The following FAM81A variants were observed in gnomAD, a reference collection of about 807,000 sequenced individuals.
FAM81A encodes the protein protein FAM81A.
A neutral mutation model predicts 46.7 loss-of-function variants in FAM81A; 19 were observed. That is an observed-to-expected ratio of 0.41 (90% CI 0.28 to 0.60). FAM81A has a LOEUF of 0.60. Ranked by LOEUF, FAM81A falls within the 20% of genes least tolerant of loss-of-function variation. FAM81A has a pLI of 0.34. For missense variants in FAM81A, 377 were observed against 453.5 expected, an observed-to-expected ratio of 0.83 and a Z score of 1.53; for synonymous variants, 183 against 152.9, an observed-to-expected ratio of 1.20 and a Z score of -1.45.
intron 2 of FAM81A, among the ~76,000 whole-genome samples, chr15:59,422,715 A>T (rs1366408498): frequency 2.6e-5 from 4 of 152,266 alleles, no homozygotes; most frequent in Non-Finnish European, 5.9e-5. Flanking sequence ...TGACCTCATG[A>T]TCTGTCTGTC....
intron 4 of FAM81A, among the ~76,000 whole-genome samples, chr15:59,503,310 A>T (rs1479859316): frequency 1.3e-5 from 2 of 151,896 alleles, no homozygotes; most frequent in Non-Finnish European, 2.9e-5. Flanking sequence ...TAATGTTAAC[A>T]GTCTGTTGTC....
At chr15:59,519,217 C>T (rs1180598456) in intron 8 of FAM81A, among the ~76,000 whole-genome samples, 4 of 151,310 alleles carry the variant, frequency 2.6e-5, no homozygotes, top group Non-Finnish European at 5.9e-5. Flanking sequence ...TAGACAGAGT[C>T]TTGCTCTGTC....
At chr15:59,507,378 A>C in intron 5 of FAM81A, 36 bp downstream of exon 5, 1 of 1,601,768 alleles carries the variant, frequency 6.2e-7, no homozygotes, top group Non-Finnish European at 8.5e-7. Flanking sequence ...AGAAGCGGGT[A>C]ATTTGTTCTT....
At position 59,482,818 on chromosome 15, in the gene FAM81A, G is replaced by A. The variant is rs2081870455; in HGVS notation, c.295-9453G>A. On this transcript the variant is annotated intron_variant, in intron 3 of 8. Coordinates refer to ENST00000288228, the MANE Select transcript of FAM81A (RefSeq NM_152450.3). ...GTGTTACTTCCTATTAAGAGAGAGTGCACCGGAGCTTGCCAGCGCCTTCTC... is the reference window on the plus strand; with the variant it reads ...GTGTTACTTCCTATTAAGAGAGAGTACACCGGAGCTTGCCAGCGCCTTCTC... Among the ~76,000 whole-genome samples, 3 of 152,190 alleles carry A rather than the reference G, an allele frequency of 2.0e-5. No homozygotes were observed. In the South Asian group the frequency reaches 6.2e-4, roughly 31 times the overall value.
chr15:59,404,890 C>G (rs2081087453), intron 2 of FAM81A, among the ~76,000 whole-genome samples: 1 of 152,226 alleles, frequency 6.6e-6, no homozygotes, highest in Non-Finnish European at 1.5e-5. Flanking sequence ...GCTAGTAGGT[C>G]TGGGCCCTAA....
At chr15:59,491,229 C>T (rs186813100) in intron 3 of FAM81A, among the ~76,000 whole-genome samples, 12 of 152,130 alleles carry the variant, frequency 7.9e-5, no homozygotes, top group South Asian at 2.1e-4. Flanking sequence ...TGTATTCAGC[C>T]GTAAGAAAGA....
intron 4 of FAM81A, among the ~76,000 whole-genome samples, chr15:59,503,781 C>T (rs1299793369): frequency 2.0e-5 from 3 of 152,112 alleles, no homozygotes; most frequent in South Asian, 2.1e-4. Flanking sequence ...CCATGTTGGC[C>T]GGGCTGGTCT....
At chr15:59,400,356 T>C (rs1317110580) in intron 1 of FAM81A, among the ~76,000 whole-genome samples, 1 of 152,080 alleles carries the variant, frequency 6.6e-6, no homozygotes, top group Non-Finnish European at 1.5e-5. Context: ...TTCTGCTTAC[T>C]CCTCTCCACG....
chr15:59,498,742 C>A (rs1317185304), intron 4 of FAM81A, among the ~76,000 whole-genome samples: 1 of 152,170 alleles, frequency 6.6e-6, no homozygotes, highest in African/African-American at 2.4e-5. Flanking sequence ...CCCCCTCCGC[C>A]CCTCCAGGTT....
chr15:59,416,409 A>G (rs1241200608), intron 2 of FAM81A, among the ~76,000 whole-genome samples: 3 of 152,194 alleles, frequency 2.0e-5, no homozygotes, highest in African/African-American at 7.2e-5. Context: ...TGAGAAAGTC[A>G]GCTGCCTCAG....
chr15:59,417,630 G>A (rs149042284), intron 2 of FAM81A, among the ~76,000 whole-genome samples: 4,642 of 151,964 alleles, frequency 0.031, 197 homozygotes, highest in East Asian at 0.2. Flanking sequence ...CAGGAGAATT[G>A]CATGAACCTG....
chr15:59,425,740 C>T (rs527977561), intron 2 of FAM81A, among the ~76,000 whole-genome samples: 65 of 152,338 alleles, frequency 4.3e-4, no homozygotes, highest in Non-Finnish European at 8.5e-4. Flanking sequence ...AGCCTCCTGC[C>T]TCAGCCTCCT....
At chr15:59,406,145 GC>G (rs2081094004) in intron 2 of FAM81A, among the ~76,000 whole-genome samples, 1 of 152,180 alleles carries the variant, frequency 6.6e-6, no homozygotes, top group African/African-American at 2.4e-5. Flanking sequence ...TAGAGCATGT[GC>G]CTTCCAGATC....
chr15:59,441,183 T>G (rs944705952), intron 1 of FAM81A, among the ~76,000 whole-genome samples: 1 of 152,242 alleles, frequency 6.6e-6, no homozygotes, highest in African/African-American at 2.4e-5. Context: ...TTTTGGGAAC[T>G]GGCTGCATTT....
chr15:59,430,682 G>C (rs563213663), intron 2 of FAM81A, among the ~76,000 whole-genome samples: 2 of 152,310 alleles, frequency 1.3e-5, no homozygotes, highest in South Asian at 4.1e-4. Flanking sequence ...TTTAGAAGAA[G>C]AGAGACCTTG....
At chr15:59,465,747 C>A (rs2081604747) in intron 3 of FAM81A, among the ~76,000 whole-genome samples, 1 of 151,960 alleles carries the variant, frequency 6.6e-6, no homozygotes, top group African/African-American at 2.4e-5. Context: ...GCACAACGTG[C>A]AGGTTTGATA....
intron 3 of FAM81A, among the ~76,000 whole-genome samples, chr15:59,486,232 T>C (rs2081915541): frequency 6.6e-6 from 1 of 151,964 alleles, no homozygotes; most frequent in South Asian, 2.1e-4. Context: ...GCAGAAATTC[T>C]GGAGTGGAAA....
At chr15:59,405,354 A>G (rs1272368185) in intron 2 of FAM81A, among the ~76,000 whole-genome samples, 2 of 152,140 alleles carry the variant, frequency 1.3e-5, no homozygotes, top group African/African-American at 4.8e-5. Context: ...TTCCGCTAAG[A>G]ATTAGACCGG....
chr15:59,468,104 G>A lies in FAM81A; in HGVS notation c.294+7898G>A, dbSNP rs1006864657. 7.9e-5 allele frequency among the ~76,000 whole-genome samples: 12 copies of A among 152,062 alleles called. No individual in the cohort carries two copies. In the East Asian group the frequency reaches 1.2e-3, roughly 15 times the overall value. The stretch of plus-strand genomic sequence containing the variant: ...AGCTTTTTGATGTGCTGCTGGATTC[G>A]GTTTGCCAGTATTTTATTGAGGATT... On this transcript the variant is annotated intron_variant, in intron 3 of 8. Transcript: ENST00000288228.
Sources: gnomAD v4.1 joint callset for allele counts (sites outside exome capture counted in the v4.1 genomes callset) on GRCh38, gnomAD v4.1.1 for gene constraint, MANE v1.5 for transcripts, NCBI Gene and HGNC (gene_info 2026-07-23, HGNC 2026-07-21) for gene names.